The following EML5 variants were observed in gnomAD, a reference collection of about 807,000 sequenced individuals.
The protein encoded by EML5 is echinoderm microtubule-associated protein-like 5.
In EML5, 120 loss-of-function variants were observed where a neutral mutation model predicts 250.0. That is an observed-to-expected ratio of 0.48 (90% CI 0.41 to 0.56). EML5 has a LOEUF of 0.56. Among genes scored for constraint, EML5 ranks in the 20% least tolerant of loss-of-function variants. EML5 has a pLI of 0.00. For missense variants in EML5, 2,006 were observed against 2,437.6 expected, an observed-to-expected ratio of 0.82 and a Z score of 3.73; for synonymous variants, 771 against 806.5, an observed-to-expected ratio of 0.96 and a Z score of 0.75.
chr14:88,751,526 T>G (rs1019226563), intron 2 of EML5, among the ~76,000 whole-genome samples: 3 of 150,824 alleles, frequency 2.0e-5, no homozygotes, highest in Non-Finnish European at 3.0e-5. Flanking sequence ...TGTTTGTTGG[T>G]TTTTTTTTGA....
chr14:88,629,350 A>T (rs2090283982), intron 33 of EML5, among the ~76,000 whole-genome samples: 1 of 152,164 alleles, frequency 6.6e-6, no homozygotes, highest in African/African-American at 2.4e-5. Flanking sequence ...ATATTTTTAT[A>T]AAAAATTAAA....
At chr14:88,629,525 A>C (rs1409466740) in intron 33 of EML5, among the ~76,000 whole-genome samples, 4 of 152,214 alleles carry the variant, frequency 2.6e-5, no homozygotes, top group Non-Finnish European at 4.4e-5. Context: ...ACTAAAGATG[A>C]AACTATGTTT....
intron 4 of EML5, among the ~76,000 whole-genome samples, chr14:88,741,623 T>C (rs928377155): frequency 1.3e-5 from 2 of 152,024 alleles, no homozygotes; most frequent in Non-Finnish European, 2.9e-5. Flanking sequence ...GGAGGATGGT[T>C]TGAGGCCAGG....
At chr14:88,743,062 C>A (rs2093947725) in intron 4 of EML5, among the ~76,000 whole-genome samples, 1 of 152,040 alleles carries the variant, frequency 6.6e-6, no homozygotes, top group African/African-American at 2.4e-5. Context: ...GCTTCAAAAT[C>A]TGAGCTGTAA....
At chr14:88,716,062 A>G (rs139047151) in intron 8 of EML5, among the ~76,000 whole-genome samples, 3 of 152,260 alleles carry the variant, frequency 2.0e-5, no homozygotes, top group Non-Finnish European at 4.4e-5. Flanking sequence ...GGTAGGGGGA[A>G]GTAAAAATTC....
intron 7 of EML5, among the ~76,000 whole-genome samples, chr14:88,727,028 C>T (rs973512021): frequency 5.1e-4 from 76 of 149,444 alleles, no homozygotes; most frequent in African/African-American, 1.8e-3. Flanking sequence ...GCCACCCAAC[C>T]TGGCTATGTT....
intron 26 of EML5, 118 bp downstream of exon 26, chr14:88,658,069 A>C: frequency 9.9e-7 from 1 of 1,007,804 alleles, no homozygotes; most frequent in Non-Finnish European, 1.4e-6. Context: ...AAACAGACTA[A>C]AAACAGTACC....
At chr14:88,675,239 C>T (rs567737116) in intron 21 of EML5, among the ~76,000 whole-genome samples, 1 of 152,364 alleles carries the variant, frequency 6.6e-6, no homozygotes, top group South Asian at 2.1e-4. Context: ...TTGCACTGCC[C>T]TAGCAGAGGT....
At chr14:88,705,416 A>T (rs2093298441) in intron 12 of EML5, 66 bp downstream of exon 12, 3 of 1,137,268 alleles carry the variant, frequency 2.6e-6, no homozygotes, top group Non-Finnish European at 3.9e-6. Context: ...ACAGATGACT[A>T]ACGGGGAGCA....
intron 25 of EML5, among the ~76,000 whole-genome samples, chr14:88,659,443 C>T (rs1304097798): frequency 6.6e-6 from 1 of 152,198 alleles, no homozygotes; most frequent in African/African-American, 2.4e-5. Context: ...AACTCCTGAC[C>T]TCAGGTGATC....
intron 11 of EML5, chr14:88,705,927 C>A (rs1039732241): frequency 1.9e-5 from 10 of 540,384 alleles, no homozygotes; most frequent in African/African-American, 1.7e-4. Flanking sequence ...GATGAATTGA[C>A]ATTAGATAAT....
At chr14:88,730,765 C>T (rs2093743191) in intron 7 of EML5, among the ~76,000 whole-genome samples, 1 of 152,056 alleles carries the variant, frequency 6.6e-6, no homozygotes, top group Non-Finnish European at 1.5e-5. Flanking sequence ...AACACTAATT[C>T]AATGCAACCT....
chr14:88,666,850 T>G (rs2092322185), intron 21 of EML5, among the ~76,000 whole-genome samples: 1 of 152,072 alleles, frequency 6.6e-6, no homozygotes, highest in Non-Finnish European at 1.5e-5. Context: ...TAGCATAAGT[T>G]GAGAACAAGT....
At chr14:88,700,571 C>T (rs2093186743) in intron 14 of EML5, among the ~76,000 whole-genome samples, 1 of 152,130 alleles carries the variant, frequency 6.6e-6, no homozygotes, top group Non-Finnish European at 1.5e-5. Context: ...AAGCCCTCCC[C>T]TTCAGTGGAA....
At chr14:88,705,744 TA>T in intron 11 of EML5, 156 bp from the exon 12 acceptor site, 1 of 680,372 alleles carries the variant, frequency 1.5e-6, no homozygotes, top group South Asian at 1.6e-5. Flanking sequence ...CAGATGTCAG[TA>T]AACTGTACTA....
At chr14:88,692,675 G>A (rs752308025) in intron 17 of EML5, among the ~76,000 whole-genome samples, 3 of 152,158 alleles carry the variant, frequency 2.0e-5, no homozygotes, top group Non-Finnish European at 4.4e-5. Context: ...TATATGCTGC[G>A]AATTTGCAAT....
In EML5 at chr14:88,644,425, T is replaced by A. The variant is rs1567053776; in HGVS notation, c.4107+8A>T. ...TTTCAGTAACACTGGAGAGTGAGTTTTCCTTACCTCTATAGGTCTCTTTTT... is the reference window on the plus strand; with the variant it reads ...TTTCAGTAACACTGGAGAGTGAGTTATCCTTACCTCTATAGGTCTCTTTTT... On this transcript the variant is annotated splice_region_variant and intron_variant, in intron 30 of 43. Coordinates refer to ENST00000554922, the MANE Select transcript of EML5 (RefSeq NM_183387.3). 2.5e-6 allele frequency: 4 copies of A among 1,613,344 alleles called. No individual in the cohort carries two copies. Among genetic ancestry groups the A allele is most frequent in the East Asian group, 2.2e-5 (1 of 44,842 alleles).
chr14:88,667,692 A>T (rs377074103), intron 21 of EML5, among the ~76,000 whole-genome samples: 83 of 152,308 alleles, frequency 5.4e-4, no homozygotes, highest in African/African-American at 1.9e-3. Flanking sequence ...CCCTTCCTCC[A>T]GTGTGCTGTT....
rs1318700508 is a variant in EML5, at chr14:88,675,444, C to T, written c.3124+6446G>A. 2.0e-5 allele frequency among the ~76,000 whole-genome samples: 3 copies of T among 152,222 alleles called. No homozygotes were observed. In the East Asian group the frequency reaches 5.8e-4, roughly 29 times the overall value. On this transcript the variant is annotated intron_variant, in intron 21 of 43. Coordinates refer to ENST00000554922, the MANE Select transcript of EML5 (RefSeq NM_183387.3). ...AGCAACAGTCCAAGCTGTACTTTGG[C>T]CCCTTTTAGCTATGGATGGAGCTGC...
Sources: gnomAD v4.1 joint callset for allele counts (sites outside exome capture counted in the v4.1 genomes callset) on GRCh38, gnomAD v4.1.1 for gene constraint, MANE v1.5 for transcripts, NCBI Gene and HGNC (gene_info 2026-07-23, HGNC 2026-07-21) for gene names.